Variants in COBL observed in about 807,000 individuals in gnomAD.
The protein encoded by COBL is protein cordon-bleu.
A neutral mutation model predicts 98.8 loss-of-function variants in COBL; 51 were observed. That is an observed-to-expected ratio of 0.52 (90% CI 0.41 to 0.65). The LOEUF is 0.65. Among genes scored for constraint, COBL ranks in the 30% least tolerant of loss-of-function variants. The probability of loss-of-function intolerance (pLI) is 0.00; values close to 1 mark genes in which losing one functional copy is unlikely to be tolerated. For missense variants in COBL, 1,617 were observed against 1,617.5 expected, an observed-to-expected ratio of 1.00 and a Z score of 0.01; for synonymous variants, 634 against 651.7, an observed-to-expected ratio of 0.97 and a Z score of 0.41.
At chr7:51,079,740 G>A (rs1203619429) in intron 7 of COBL, among the ~76,000 whole-genome samples, 1 of 152,218 alleles carries the variant, frequency 6.6e-6, no homozygotes, top group East Asian at 1.9e-4. Flanking sequence ...AGAGCAATCT[G>A]CACATGGGCT....
chr7:51,212,003 G>A (rs1228827106), intron 2 of COBL, among the ~76,000 whole-genome samples: 2 of 152,136 alleles, frequency 1.3e-5, no homozygotes, highest in Admixed American at 6.5e-5. Context: ...CAGGGGTGGA[G>A]GGGGTTATGA....
At position 51,231,635 on chromosome 7, in the gene COBL, T is replaced by C. The variant is rs539141752; in HGVS notation, c.42-11691A>G. On this transcript the variant is annotated intron_variant, in intron 1 of 12. Coordinates refer to ENST00000265136, the MANE Select transcript of COBL (RefSeq NM_015198.5). Reference sequence around the variant, plus strand: ...TCCACAGCAGCATGCGACAGAGAGGTCAGAAGGTGGTTCCTGGAAGCAGGT... The same window carrying C: ...TCCACAGCAGCATGCGACAGAGAGGCCAGAAGGTGGTTCCTGGAAGCAGGT... Among the ~76,000 whole-genome samples the C allele has an allele frequency of 6.2e-3, 945 of 151,876 alleles. 4 individuals are homozygous for C. Among genetic ancestry groups the C allele is most frequent in the Middle Eastern group, 0.02 (6 of 294 alleles).
intron 6 of COBL, among the ~76,000 whole-genome samples, chr7:51,118,294 G>A (rs558820645): frequency 7.9e-5 from 12 of 152,164 alleles, no homozygotes; most frequent in Non-Finnish European, 1.3e-4. Context: ...GTCCAAGCAT[G>A]GCTTAGCCGG....
At chr7:51,256,584 G>A (rs1409956789) in intron 1 of COBL, among the ~76,000 whole-genome samples, 1 of 152,220 alleles carries the variant, frequency 6.6e-6, no homozygotes, top group South Asian at 2.1e-4. Context: ...ACCACTACCC[G>A]GATCCACATC....
chr7:51,058,999 G>A, intron 7 of COBL, among the ~76,000 whole-genome samples: 1 of 152,144 alleles, frequency 6.6e-6, no homozygotes, highest in Non-Finnish European at 1.5e-5. Flanking sequence ...CACATGTTAG[G>A]GTCACTGGGG....
chr7:51,157,934 T>C (rs572737049), intron 5 of COBL, among the ~76,000 whole-genome samples: 43 of 152,234 alleles, frequency 2.8e-4, no homozygotes, highest in Non-Finnish European at 4.8e-4. Context: ...ATCACACACA[T>C]TGTTAAAACA....
At chr7:51,165,173 T>G (rs892348783) in intron 5 of COBL, among the ~76,000 whole-genome samples, 2 of 151,906 alleles carry the variant, frequency 1.3e-5, no homozygotes, top group African/African-American at 4.8e-5. Context: ...AAAAACAGAC[T>G]GGCTGTATGA....
chr7:51,263,237 C>T (rs1386276301), intron 1 of COBL, among the ~76,000 whole-genome samples: 2 of 151,714 alleles, frequency 1.3e-5, no homozygotes, highest in Middle Eastern at 3.2e-3. Flanking sequence ...GCAAGAGACA[C>T]CCTCCAGCCC....
intron 6 of COBL, among the ~76,000 whole-genome samples, chr7:51,116,485 T>C (rs1385295286): frequency 6.6e-6 from 1 of 152,178 alleles, no homozygotes; most frequent in Non-Finnish European, 1.5e-5. Flanking sequence ...TTGTCTTATG[T>C]ATTACACTTA....
At chr7:51,037,285 A>C (rs1459911820) in intron 8 of COBL, among the ~76,000 whole-genome samples, 1 of 152,220 alleles carries the variant, frequency 6.6e-6, no homozygotes, top group Non-Finnish European at 1.5e-5. Context: ...CAATTGTTGA[A>C]GGCTAGCAAT....
intron 6 of COBL, among the ~76,000 whole-genome samples, chr7:51,119,311 G>C (rs1797546528): frequency 6.6e-6 from 1 of 152,058 alleles, no homozygotes. Flanking sequence ...TTTAAATAAA[G>C]AGGTAGCTCA....
chr7:51,176,113 T>C (rs756967916), intron 5 of COBL, among the ~76,000 whole-genome samples: 3 of 152,174 alleles, frequency 2.0e-5, no homozygotes, highest in Admixed American at 6.5e-5. Context: ...TTCCTTATTT[T>C]GAAGTTTTTC....
chr7:51,112,768 G>A (rs1053568428), intron 6 of COBL, among the ~76,000 whole-genome samples: 2 of 152,132 alleles, frequency 1.3e-5, no homozygotes, highest in Non-Finnish European at 2.9e-5. Flanking sequence ...TTAGGTCAAC[G>A]CTGCAGGCAG....
chr7:51,094,240 G>A (rs1011670784), intron 6 of COBL, among the ~76,000 whole-genome samples: 1 of 151,752 alleles, frequency 6.6e-6, no homozygotes, highest in African/African-American at 2.4e-5. Context: ...GGAGAGAGAG[G>A]AAAAGAGGAG....
chr7:51,139,991 T>C (rs186689718), intron 5 of COBL, among the ~76,000 whole-genome samples: 263 of 152,288 alleles, frequency 1.7e-3, no homozygotes, highest in Middle Eastern at 6.8e-3. Flanking sequence ...CTTGTCAATA[T>C]ATACATGTTT....
intron 7 of COBL, among the ~76,000 whole-genome samples, chr7:51,067,951 G>A (rs1270475350): frequency 1.3e-5 from 2 of 152,174 alleles, no homozygotes; most frequent in South Asian, 2.1e-4. Context: ...TGGCAGAGAC[G>A]GAGTGAGGGT....
chr7:51,188,029 G>T, intron 4 of COBL: 1 of 1,180,588 alleles, frequency 8.5e-7, no homozygotes, highest in Non-Finnish European at 1.1e-6. Context: ...CCCAGGCCTT[G>T]GCCCTCACAA....
At chr7:51,277,719 G>A (rs1267895333) in intron 1 of COBL, among the ~76,000 whole-genome samples, 7 of 152,120 alleles carry the variant, frequency 4.6e-5, no homozygotes, top group African/African-American at 1.7e-4. Flanking sequence ...GCCAAATGGA[G>A]GTGGTAACAA....
At chr7:51,108,957 C>CACACACACACACACACACACA (rs869144573) in intron 6 of COBL, among the ~76,000 whole-genome samples, 7 of 83,926 alleles carry the variant, frequency 8.3e-5, no homozygotes, top group Non-Finnish European at 1.7e-4. Context: ...CACACACACA[C>CACACACACACACACACACACA]CCCCTGCCCC....
Sources: gnomAD v4.1 joint callset for allele counts (sites outside exome capture counted in the v4.1 genomes callset) on GRCh38, gnomAD v4.1.1 for gene constraint, MANE v1.5 for transcripts, NCBI Gene and HGNC (gene_info 2026-07-23, HGNC 2026-07-21) for gene names.